The following CNEP1R1 variants were observed in gnomAD, a reference collection of about 807,000 sequenced individuals.
CNEP1R1 encodes nuclear envelope phosphatase-regulatory subunit 1.
In CNEP1R1, 10 loss-of-function variants were observed where a neutral mutation model predicts 22.7. The ratio of observed to expected loss-of-function variants is 0.44; its 90% CI spans 0.27 to 0.75. The LOEUF is 0.75. Ranked by LOEUF, CNEP1R1 falls within the 30% of genes least tolerant of loss-of-function variation. CNEP1R1 has a pLI of 0.17. For missense variants in CNEP1R1, 73 were observed against 151.5 expected (o/e 0.48, Z 2.72); for synonymous variants, 53 against 50.1 (o/e 1.06, Z -0.25).
chr16:50,026,694 G>A, intron 2 of CNEP1R1: 1 of 489,646 alleles, frequency 2.0e-6, no homozygotes, highest in Non-Finnish European at 3.7e-6. Flanking sequence ...ATATTTTTTG[G>A]CCAGGCGCCG....
In CNEP1R1 at chr16:50,035,483, C is replaced by T. The variant is rs2036268057; in HGVS notation, c.*25C>T. 6.5e-7 allele frequency: 1 copy of T among 1,532,750 alleles called. No individual in the cohort carries two copies. Among genetic ancestry groups the T allele is most frequent in the Non-Finnish European group, 8.9e-7 (1 of 1,120,816 alleles). The allele number at this position is 1,532,750 out of a possible 1,614,324, so 94.9% of individuals were successfully genotyped here. ...ACAATCTTCACTCATTGTTATGGGA[C>T]TTAAAATAGCCTTTCTTCGAATAAG... is the stretch of plus-strand genomic sequence containing the variant. On this transcript the variant is annotated 3_prime_UTR_variant, in exon 6 of 6. Coordinates refer to ENST00000427478, the MANE Select transcript of CNEP1R1 (RefSeq NM_001281789.2).
In CNEP1R1 at chr16:50,034,085, T is replaced by A; in HGVS notation, c.282-17T>A. The A allele has an allele frequency of 6.3e-7, 1 of 1,581,838 alleles. No homozygotes were observed. ...ACTCTTGAAATGAGAAATTTTCCTT[T>A]GACCACATGTATTCAGTATAGCTGC... On this transcript the variant is annotated splice_polypyrimidine_tract_variant and intron_variant, in intron 4 of 5. Coordinates refer to ENST00000427478, the MANE Select transcript of CNEP1R1 (RefSeq NM_001281789.2).
chr16:50,028,028 G>A (rs1245957611), intron 2 of CNEP1R1, among the ~76,000 whole-genome samples: 2 of 152,134 alleles, frequency 1.3e-5, no homozygotes, highest in South Asian at 2.1e-4. Flanking sequence ...CGCCATCTTC[G>A]CTCACTGCAA....
chr16:50,034,091 C>A lies in CNEP1R1; in HGVS notation c.282-11C>A, dbSNP rs749232794. 13 of 1,585,994 alleles carry A rather than the reference C, an allele frequency of 8.2e-6. No individual in the cohort carries two copies. In the African/African-American group the frequency reaches 1.7e-4, roughly 21 times the overall value. On this transcript the variant is annotated splice_polypyrimidine_tract_variant and intron_variant, in intron 4 of 5. Transcript: ENST00000427478. ...GAAATGAGAAATTTTCCTTTGACCACATGTATTCAGTATAGCTGCTCGATG... is the reference window on the plus strand; with the variant it reads ...GAAATGAGAAATTTTCCTTTGACCAAATGTATTCAGTATAGCTGCTCGATG...
chr16:50,027,696 A>C (rs564451165), intron 2 of CNEP1R1, among the ~76,000 whole-genome samples: 30 of 152,000 alleles, frequency 2.0e-4, no homozygotes, highest in African/African-American at 7.2e-4. Flanking sequence ...AAAAAAAAGT[A>C]AAGTCATGTT....
intron 3 of CNEP1R1, among the ~76,000 whole-genome samples, chr16:50,033,021 A>G (rs2036244740): frequency 6.6e-6 from 1 of 151,584 alleles, no homozygotes; most frequent in Non-Finnish European, 1.5e-5. Flanking sequence ...AAAAAAAAAC[A>G]GGGAAGGTAA....
At chr16:50,034,060 A>G in intron 4 of CNEP1R1, 42 bp from the exon 5 acceptor site, 1 of 1,509,678 alleles carries the variant, frequency 6.6e-7, no homozygotes, top group Non-Finnish European at 9.1e-7. Context: ...CTAAAAGCAT[A>G]CTCTTGAAAT....
intron 1 of CNEP1R1, chr16:50,025,701 G>A (rs747749165): frequency 1.9e-6 from 3 of 1,613,546 alleles, no homozygotes; most frequent in Non-Finnish European, 2.5e-6. Flanking sequence ...TAACTGCCAA[G>A]GTTAGGAAGT....
rs376298853 is a variant in CNEP1R1, at chr16:50,025,737, G to A, written c.25+397G>A. 305 of 1,568,010 alleles carry A rather than the reference G, an allele frequency of 1.9e-4. 2 individuals carry two copies. The highest frequency in any genetic ancestry group is 1.8e-4 in the Middle Eastern group (1 of 5,530). ...GCTGCTCGGTGTTTTAAAGTTTAAA[G>A]CACACCACTGCGGAAAGGATACCCC... is the stretch of plus-strand genomic sequence containing the variant. On this transcript the variant is annotated intron_variant, in intron 1 of 5. Coordinates refer to ENST00000427478, the MANE Select transcript of CNEP1R1 (RefSeq NM_001281789.2).
chr16:50,025,273 G>A lies in CNEP1R1; in HGVS notation c.-43G>A. 1 of 1,391,908 alleles carries A rather than the reference G, an allele frequency of 7.2e-7. No homozygotes were observed. The highest frequency in any genetic ancestry group is 9.3e-7 in the Non-Finnish European group (1 of 1,078,410). The allele number at this position is 1,391,908 out of a possible 1,614,324, so 86.2% of individuals were successfully genotyped here. A position where few individuals can be genotyped will look rare whatever the true frequency, so the allele number is the denominator to read the frequency against. On this transcript the variant is annotated 5_prime_UTR_variant, in exon 1 of 6. Transcript: ENST00000427478. ...GCCGGGCGGGGGCCGCGGAAGCTGC[G>A]ATGCGGACAGGGCAGCGGCGGTGAC... is the stretch of plus-strand genomic sequence containing the variant.
At chr16:50,035,333 C>T (rs1597120253) in intron 5 of CNEP1R1, 84 bp from the exon 6 acceptor site, 2 of 774,022 alleles carry the variant, frequency 2.6e-6, no homozygotes, top group East Asian at 2.7e-5. Context: ...ATTCCTTGCA[C>T]ATACCCTTTA....
At chr16:50,032,860 C>T (rs911081145) in intron 3 of CNEP1R1, among the ~76,000 whole-genome samples, 13 of 152,002 alleles carry the variant, frequency 8.6e-5, no homozygotes, top group Non-Finnish European at 1.8e-4. Context: ...CAAAAATTAG[C>T]CGGGTGTGGT....
At chr16:50,028,311 A>G (rs1338668011) in intron 2 of CNEP1R1, among the ~76,000 whole-genome samples, 8 of 152,338 alleles carry the variant, frequency 5.3e-5, no homozygotes, top group African/African-American at 1.9e-4. Flanking sequence ...ATTCCTATCA[A>G]GAAGGAAGTG....
intron 1 of CNEP1R1, 21 bp downstream of exon 1, chr16:50,025,361 C>T: frequency 2.8e-6 from 4 of 1,436,042 alleles, no homozygotes; most frequent in Non-Finnish European, 3.6e-6. Flanking sequence ...CCGCCCGGGC[C>T]CGTCCCCCGT....
At chr16:50,025,670 G>A in intron 1 of CNEP1R1, 1 of 1,614,030 alleles carries the variant, frequency 6.2e-7, no homozygotes, top group Non-Finnish European at 8.5e-7. Context: ...TTGTATCCCT[G>A]ATTCCTGCGG....
At position 50,035,616 on chromosome 16, in the gene CNEP1R1, G is replaced by A. The variant is rs1396034055; in HGVS notation, c.*158G>A. 3 of 584,422 alleles carry A rather than the reference G, an allele frequency of 5.1e-6. No homozygotes were observed. The highest frequency in any genetic ancestry group is 9.1e-6 in the Non-Finnish European group (3 of 330,882). The allele number at this position is 584,422 out of a possible 1,614,324, so 36.2% of individuals were successfully genotyped here. A position where few individuals can be genotyped will look rare whatever the true frequency, so the allele number is the denominator to read the frequency against. On this transcript the variant is annotated 3_prime_UTR_variant, in exon 6 of 6. Transcript: ENST00000427478. ...TATTTACCTGGATTATCTTGATGAT[G>A]GTGACTCATTATCAGTGCTTTGGTA... is the stretch of plus-strand genomic sequence containing the variant.
chr16:50,035,532 G>C lies in CNEP1R1; in HGVS notation c.*74G>C. 8.7e-7 allele frequency: 1 copy of C among 1,148,640 alleles called. No homozygotes were observed. Among genetic ancestry groups the C allele is most frequent in the Non-Finnish European group, 1.3e-6 (1 of 789,592 alleles). 71.2% of individuals were successfully genotyped at this position (1,148,640 alleles called of 1,614,324 possible). A position where few individuals can be genotyped will look rare whatever the true frequency, so the allele number is the denominator to read the frequency against. On this transcript the variant is annotated 3_prime_UTR_variant, in exon 6 of 6. Transcript: ENST00000427478. ...AGTGATACAGCAAAAAGCCATAAAG[G>C]ATTCCTTTTGCGGTTGGATATGTAA...
At chr16:50,030,892 A>G (rs2036225903) in intron 3 of CNEP1R1, among the ~76,000 whole-genome samples, 1 of 152,232 alleles carries the variant, frequency 6.6e-6, no homozygotes, top group Non-Finnish European at 1.5e-5. Context: ...GTGCAAGAAT[A>G]TCCCTATACC....
At chr16:50,027,376 C>A (rs576570762) in intron 2 of CNEP1R1, among the ~76,000 whole-genome samples, 100 of 151,796 alleles carry the variant, frequency 6.6e-4, no homozygotes, top group African/African-American at 2.4e-3. Context: ...GGCGTGGTGG[C>A]GGGCGCCTGT....
Sources: allele counts gnomAD v4.1 joint callset (sites outside exome capture counted in the v4.1 genomes callset), GRCh38; gene constraint gnomAD v4.1.1; transcripts MANE v1.5; gene names NCBI Gene and HGNC (gene_info 2026-07-23, HGNC 2026-07-21).